The following HERC4 variants were observed in gnomAD, a reference collection of about 807,000 sequenced individuals.
The protein encoded by HERC4 is HECT and RLD domain containing E3 ubiquitin protein ligase 4.
A neutral mutation model predicts 124.3 loss-of-function variants in HERC4; 28 were observed. The ratio of observed to expected loss-of-function variants is 0.23; its 90% CI spans 0.17 to 0.31. HERC4 has a LOEUF of 0.31. Ranked by LOEUF, HERC4 falls within the 10% of genes least tolerant of loss-of-function variation. The probability of loss-of-function intolerance (pLI) is 1.00; values close to 1 mark genes in which losing one functional copy is unlikely to be tolerated. For synonymous variants in HERC4, 407 were observed against 421.5 expected (o/e 0.97, Z 0.42); for missense variants, 713 against 1,229.3 (o/e 0.58, Z 6.28).
At chr10:67,955,479 T>C in intron 17 of HERC4, 1 of 171,680 alleles carries the variant, frequency 5.8e-6, no homozygotes, top group Non-Finnish European at 1.2e-5. Context: ...CTTTAAAGAG[T>C]ATAAGGAACA....
intron 5 of HERC4, among the ~76,000 whole-genome samples, chr10:68,037,377 T>G (rs1194233852): frequency 1.3e-5 from 2 of 152,136 alleles, no homozygotes; most frequent in African/African-American, 4.8e-5. Context: ...ATTACAGGCG[T>G]GAGCCACTGC....
intron 19 of HERC4, among the ~76,000 whole-genome samples, chr10:67,944,417 T>C (rs1258943566): frequency 3.9e-5 from 6 of 152,224 alleles, no homozygotes; most frequent in African/African-American, 1.4e-4. Flanking sequence ...ATGGCTGCAA[T>C]GACCAAAAAC....
chr10:68,012,638 C>T (rs962862310), intron 9 of HERC4, among the ~76,000 whole-genome samples: 1 of 152,094 alleles, frequency 6.6e-6, no homozygotes, highest in Admixed American at 6.6e-5. Flanking sequence ...CCACTGATCA[C>T]AGATCACCAT....
At chr10:67,955,211 T>C (rs2034062094) in intron 17 of HERC4, 81 bp from the exon 18 acceptor site, 1 of 1,153,888 alleles carries the variant, frequency 8.7e-7, no homozygotes, top group African/African-American at 1.6e-5. Context: ...CTCTACCTAT[T>C]AGTTACAGGT....
chr10:68,061,967 T>C (rs2041049136), intron 3 of HERC4, among the ~76,000 whole-genome samples: 1 of 151,564 alleles, frequency 6.6e-6, no homozygotes, highest in Non-Finnish European at 1.5e-5. Flanking sequence ...TTTAGATTAC[T>C]TTAAATTTAC....
chr10:68,029,499 A>G (rs1260290424), intron 7 of HERC4, among the ~76,000 whole-genome samples: 1 of 151,978 alleles, frequency 6.6e-6, no homozygotes, highest in African/African-American at 2.4e-5. Context: ...CTCAAAAAAA[A>G]AAGAAAAAGA....
intron 3 of HERC4, among the ~76,000 whole-genome samples, chr10:68,054,861 T>C (rs1409370173): frequency 6.6e-6 from 1 of 152,184 alleles, no homozygotes; most frequent in Non-Finnish European, 1.5e-5. Context: ...AGTGAAATTA[T>C]TGTTTAAATA....
chr10:67,992,842 G>T (rs1255941348), intron 9 of HERC4, 160 bp from the exon 10 acceptor site: 4 of 537,380 alleles, frequency 7.4e-6, no homozygotes, highest in African/African-American at 5.8e-5. Context: ...ACTGCTATGG[G>T]GATGAGACTG....
At chr10:68,038,792 TTC>T (rs2039610033) in intron 4 of HERC4, among the ~76,000 whole-genome samples, 2 of 152,222 alleles carry the variant, frequency 1.3e-5, no homozygotes, top group South Asian at 4.1e-4. Context: ...TCTTATTTTC[TTC>T]TGTCTTGTAT....
rs114036404 is a variant in HERC4, at chr10:68,004,931, G to A, written c.1069+9095C>T. 2.6e-3 allele frequency among the ~76,000 whole-genome samples: 391 copies of A among 152,314 alleles called. 3 individuals are homozygous for A. Among genetic ancestry groups the A allele is most frequent in the African/African-American group, 9.1e-3 (377 of 41,574 alleles). ...GATTACGATTCAAGATGAGATTTGG[G>A]TGGGGGCACAAAGCCTAACCATATG... On this transcript the variant is annotated intron_variant, in intron 9 of 24. Coordinates refer to ENST00000373700, the MANE Select transcript of HERC4 (RefSeq NM_015601.4).
At chr10:67,947,016 C>T (rs183773604) in intron 19 of HERC4, among the ~76,000 whole-genome samples, 1 of 152,286 alleles carries the variant, frequency 6.6e-6, no homozygotes, top group Non-Finnish European at 1.5e-5. Context: ...GACCCCAATA[C>T]AATAATAGCT....
In HERC4 at chr10:67,991,034, A is replaced by C; in HGVS notation, c.1332-19T>G. 7.2e-7 allele frequency: 1 copy of C among 1,386,032 alleles called. No homozygotes were observed. Among genetic ancestry groups the C allele is most frequent in the Non-Finnish European group, 9.7e-7 (1 of 1,032,328 alleles). 85.9% of individuals were successfully genotyped at this position (1,386,032 alleles called of 1,614,324 possible). A position where few individuals can be genotyped will look rare whatever the true frequency, so the allele number is the denominator to read the frequency against. On this transcript the variant is annotated intron_variant, in intron 12 of 24. Coordinates refer to ENST00000373700, the MANE Select transcript of HERC4 (RefSeq NM_015601.4). The stretch of plus-strand genomic sequence containing the variant: ...ATCATTGCTAAAAAACAGAAAAGAA[A>C]AAAAAAAATAGAATAAAAATTTAAA...
At chr10:68,027,507 G>T (rs1022712662) in intron 7 of HERC4, among the ~76,000 whole-genome samples, 1 of 152,156 alleles carries the variant, frequency 6.6e-6, no homozygotes, top group Non-Finnish European at 1.5e-5. Context: ...ACTATACCAC[G>T]TTCACAAAAT....
chr10:68,054,870 T>G lies in HERC4; in HGVS notation c.227-10307A>C, dbSNP rs72808661. 2.4e-3 allele frequency among the ~76,000 whole-genome samples: 360 copies of G among 152,294 alleles called. 3 individuals are homozygous for G. Among genetic ancestry groups the G allele is most frequent in the Non-Finnish European group, 4.5e-3 (304 of 68,018 alleles). On this transcript the variant is annotated intron_variant, in intron 3 of 24. Coordinates refer to ENST00000373700, the MANE Select transcript of HERC4 (RefSeq NM_015601.4). ...AATAACAGTGAAATTATTGTTTAAATAAAACAAAGTGCAACTATTGTTTAC... is the reference window on the plus strand; with the variant it reads ...AATAACAGTGAAATTATTGTTTAAAGAAAACAAAGTGCAACTATTGTTTAC...
chr10:68,020,126 A>G (rs2038519899), intron 8 of HERC4, among the ~76,000 whole-genome samples: 1 of 152,180 alleles, frequency 6.6e-6, no homozygotes, highest in African/African-American at 2.4e-5. Context: ...CCTCATTTTT[A>G]TACCTCAGGG....
chr10:68,019,437 A>G (rs371398037), intron 8 of HERC4, among the ~76,000 whole-genome samples: 21 of 152,220 alleles, frequency 1.4e-4, no homozygotes, highest in African/African-American at 4.8e-4. Flanking sequence ...ACAGAAAGAG[A>G]TCCATGTACA....
intron 19 of HERC4, among the ~76,000 whole-genome samples, chr10:67,949,471 C>T (rs1589158151): frequency 6.6e-6 from 1 of 152,124 alleles, no homozygotes; most frequent in Non-Finnish European, 1.5e-5. Flanking sequence ...AAGGACCTTG[C>T]ACACGCACCC....
chr10:67,932,609 C>T lies in HERC4; in HGVS notation c.2826G>A (p.Lys942=), dbSNP rs762093385. The change falls in exon 23 of 25, where the codon AAG becomes AAA. Residue 942 remains lysine, a synonymous_variant. Transcript: ENST00000373700. ...MVIGNTNYDW[K]ELEKNTEYKG... ...AGTTTTCCCCTACCTTTTCCAGTTC[C>T]TTCCAATCATAATTTGTATTTCCAA... 3 of 1,608,422 alleles carry T rather than the reference C, an allele frequency of 1.9e-6. No homozygotes were observed. Among genetic ancestry groups the T allele is most frequent in the Admixed American group, 1.7e-5 (1 of 58,878 alleles).
Position 67,922,700 on chromosome 10 carries a change from G to T in HERC4, c.*231C>A. The T allele has an allele frequency of 3.2e-6, 1 of 310,646 alleles. No individual in the cohort carries two copies. The highest frequency in any genetic ancestry group is 6.0e-6 in the Non-Finnish European group (1 of 167,162). 19.2% of individuals were successfully genotyped at this position (310,646 alleles called of 1,614,324 possible). A position where few individuals can be genotyped will look rare whatever the true frequency, so the allele number is the denominator to read the frequency against. On this transcript the variant is annotated 3_prime_UTR_variant, in exon 25 of 25. Transcript: ENST00000373700. ...AAACTTTAATGTATTCATAATACTT[G>T]CTATGTTTATTAGAAGATGGTCAAA... is the stretch of plus-strand genomic sequence containing the variant.
Sources: gnomAD v4.1 joint callset for allele counts (sites outside exome capture counted in the v4.1 genomes callset) on GRCh38, gnomAD v4.1.1 for gene constraint, MANE v1.5 for transcripts, NCBI Gene and HGNC (gene_info 2026-07-23, HGNC 2026-07-21) for gene names.